The following SEMA6D variants were observed in gnomAD, a reference collection of about 807,000 sequenced individuals.
The protein encoded by SEMA6D is semaphorin 6D, also known as semaphorin-6D.
Under a neutral mutation model 106.6 loss-of-function variants are expected in SEMA6D, and 35 were observed. The observed-to-expected ratio is 0.33, with a 90% CI of 0.25 to 0.44. The LOEUF (loss-of-function observed/expected upper bound fraction) is 0.44. SEMA6D is among the 20% of genes least tolerant of loss of function. The probability of loss-of-function intolerance (pLI) is 1.00; values close to 1 mark genes in which losing one functional copy is unlikely to be tolerated. For synonymous variants in SEMA6D, 499 were observed against 487.7 expected (o/e 1.02, Z -0.31); for missense variants, 1,185 against 1,345.9 (o/e 0.88, Z 1.87).
intron 1 of SEMA6D, among the ~76,000 whole-genome samples, chr15:47,319,517 G>C (rs1178871569): frequency 6.6e-6 from 1 of 152,020 alleles, no homozygotes; most frequent in African/African-American, 2.4e-5. Context: ...AACTGCACAA[G>C]TATTTCTCAG....
At chr15:47,755,786 G>C (rs1286355461) in intron 1 of SEMA6D, among the ~76,000 whole-genome samples, 1 of 150,806 alleles carries the variant, frequency 6.6e-6, no homozygotes, top group Non-Finnish European at 1.5e-5. Flanking sequence ...CATTTTTATA[G>C]AGCCTTAAGC....
At position 47,771,584 on chromosome 15, in the gene SEMA6D, G is replaced by A. The variant is rs141992262; in HGVS notation, c.3021G>A (p.Ala1007=). The part of the protein sequence containing the change: ...RGGYMPTPTG[A]KVDYIQGTPV... ...GATATATGCCCACCCCCACTGGGGCGAAGGTGGACTATATTCAGGGAACAC... is the reference window on the plus strand; with the variant it reads ...GATATATGCCCACCCCCACTGGGGCAAAGGTGGACTATATTCAGGGAACAC... The change falls in exon 19 of 19, where the codon GCG becomes GCA. Residue 1007 remains alanine (A), a synonymous_variant. Transcript: ENST00000536845. The A allele has an allele frequency of 1.7e-5, 28 of 1,613,976 alleles. No individual in the cohort carries two copies. The highest frequency in any genetic ancestry group is 1.5e-4 in the Admixed American group (9 of 59,998).
At chr15:47,695,126 C>A (rs2078671883) in intron 4 of SEMA6D, among the ~76,000 whole-genome samples, 1 of 152,096 alleles carries the variant, frequency 6.6e-6, no homozygotes, top group African/African-American at 2.4e-5. Flanking sequence ...TGTTGGTGGG[C>A]CCACTTAATG....
chr15:47,728,240 C>T (rs1748321340), intron 1 of SEMA6D, among the ~76,000 whole-genome samples: 1 of 152,226 alleles, frequency 6.6e-6, no homozygotes, highest in African/African-American at 2.4e-5. Context: ...ATCCCTTACT[C>T]ACCCTGCACG....
chr15:47,391,100 T>C (rs1352776050), intron 1 of SEMA6D, among the ~76,000 whole-genome samples: 1 of 152,318 alleles, frequency 6.6e-6, no homozygotes, highest in Non-Finnish European at 1.5e-5. Context: ...GCCTTCTCTT[T>C]TGAGGATATT....
At chr15:47,363,858 G>A (rs2038907490) in intron 1 of SEMA6D, among the ~76,000 whole-genome samples, 2 of 152,166 alleles carry the variant, frequency 1.3e-5, no homozygotes, top group South Asian at 4.1e-4. Flanking sequence ...TTATAATCAT[G>A]GCGGAAGGCG....
intron 1 of SEMA6D, among the ~76,000 whole-genome samples, chr15:47,392,739 T>C (rs34488670): frequency 0.22 from 33,253 of 152,136 alleles, 3,905 homozygotes; most frequent in Middle Eastern, 0.33. Flanking sequence ...GTGATAATTT[T>C]TTATGGCAAC....
At chr15:47,572,500 C>A (rs1396931480) in intron 3 of SEMA6D, among the ~76,000 whole-genome samples, 2 of 152,174 alleles carry the variant, frequency 1.3e-5, no homozygotes, top group African/African-American at 4.8e-5. Context: ...GACCCTGGCC[C>A]TTCCTTTATG....
At chr15:47,289,393 C>CAAAAA (rs746946975) in intron 1 of SEMA6D, among the ~76,000 whole-genome samples, 1,197 of 40,222 alleles carry the variant, frequency 0.03, no homozygotes, top group Non-Finnish European at 0.041. Context: ...AACTCCATCT[C>CAAAAA]AAAAAAAAAA....
chr15:47,766,189 A>G lies in SEMA6D; in HGVS notation c.1646+7A>G. The G allele has an allele frequency of 6.2e-7, 1 of 1,611,190 alleles. No homozygotes were observed. The highest frequency in any genetic ancestry group is 2.2e-5 in the East Asian group (1 of 44,754). On this transcript the variant is annotated splice_region_variant and intron_variant, in intron 15 of 18. Coordinates refer to ENST00000536845, the MANE Select transcript of SEMA6D (RefSeq NM_001358351.3). ...GAGTGACCCCAGGGATGCTGTAAGT[A>G]TACTTTGTCACATGAGCTAGGATGA...
intron 1 of SEMA6D, among the ~76,000 whole-genome samples, chr15:47,322,642 T>G (rs1256324047): frequency 6.6e-6 from 1 of 152,162 alleles, no homozygotes; most frequent in Non-Finnish European, 1.5e-5. Flanking sequence ...TCTTCTGGGT[T>G]TCTCCACTGT....
At chr15:47,730,067 A>G in intron 1 of SEMA6D, 1 of 686,806 alleles carries the variant, frequency 1.5e-6, no homozygotes, top group South Asian at 1.9e-5. Context: ...ATTTTAGTTT[A>G]GTTTAGTTTA....
chr15:47,369,358 C>T (rs1209917953), intron 1 of SEMA6D, among the ~76,000 whole-genome samples: 4 of 152,136 alleles, frequency 2.6e-5, no homozygotes, highest in Non-Finnish European at 5.9e-5. Context: ...CTTTCACAAT[C>T]TACTGAAATT....
intron 3 of SEMA6D, among the ~76,000 whole-genome samples, chr15:47,553,973 A>T (rs1256724918): frequency 1.3e-5 from 2 of 152,212 alleles, no homozygotes; most frequent in Non-Finnish European, 2.9e-5. Context: ...TACAGAAAAA[A>T]GGTGAGGATG....
chr15:47,326,335 C>T (rs2037128666), intron 1 of SEMA6D, among the ~76,000 whole-genome samples: 1 of 152,192 alleles, frequency 6.6e-6, no homozygotes. Context: ...AGCAGTCACA[C>T]TACCCTCAAC....
intron 1 of SEMA6D, among the ~76,000 whole-genome samples, chr15:47,395,876 G>A (rs1164169596): frequency 6.6e-6 from 1 of 152,218 alleles, no homozygotes; most frequent in African/African-American, 2.4e-5. Context: ...ATATGGAGCT[G>A]TTGTAGATTG....
intron 1 of SEMA6D, among the ~76,000 whole-genome samples, chr15:47,404,335 T>A (rs543567725): frequency 1.3e-5 from 2 of 152,288 alleles, no homozygotes; most frequent in South Asian, 4.1e-4. Flanking sequence ...ATCGTGGCAG[T>A]TATAATTTTA....
At chr15:47,392,775 A>G (rs1284784800) in intron 1 of SEMA6D, among the ~76,000 whole-genome samples, 1 of 152,210 alleles carries the variant, frequency 6.6e-6, no homozygotes, top group Non-Finnish European at 1.5e-5. Context: ...CAGATGCTCT[A>G]GAGAGTTCAG....
At chr15:47,527,985 T>G (rs2044820420) in intron 3 of SEMA6D, among the ~76,000 whole-genome samples, 1 of 152,218 alleles carries the variant, frequency 6.6e-6, no homozygotes, top group African/African-American at 2.4e-5. Flanking sequence ...AAGTAAATGT[T>G]TTCTAGCTGG....
Sources: allele counts gnomAD v4.1 joint callset (sites outside exome capture counted in the v4.1 genomes callset), GRCh38; gene constraint gnomAD v4.1.1; transcripts MANE v1.5; gene names NCBI Gene and HGNC (gene_info 2026-07-23, HGNC 2026-07-21).